MCPH1: variants seen among roughly 807,000 people sequenced by gnomAD.
MCPH1 encodes the protein microcephalin.
Under a neutral mutation model 84.5 loss-of-function variants are expected in MCPH1, and 104 were observed. The ratio of observed to expected loss-of-function variants is 1.23; its 90% CI spans 1.05 to 1.45. The LOEUF is 1.45. MCPH1 is among the 40% of genes most tolerant of loss of function. MCPH1 has a pLI of 0.00. For missense variants in MCPH1, 1,498 were observed against 1,005.7 expected (o/e 1.49, Z -6.62); for synonymous variants, 514 against 366.8 (o/e 1.40, Z -4.58).
intron 9 of MCPH1, among the ~76,000 whole-genome samples, chr8:6,470,591 T>G (rs1341573555): frequency 6.6e-6 from 1 of 152,214 alleles, no homozygotes; most frequent in Non-Finnish European, 1.5e-5. Context: ...GGCTCTGAGA[T>G]CCTCGTACTT....
At chr8:6,542,202 G>A (rs1398545529) in intron 12 of MCPH1, among the ~76,000 whole-genome samples, 1 of 152,040 alleles carries the variant, frequency 6.6e-6, no homozygotes, top group African/African-American at 2.4e-5. Context: ...GTAACAAAAT[G>A]TCTCAGTGTT....
intron 13 of MCPH1, among the ~76,000 whole-genome samples, chr8:6,638,936 A>G (rs1797747090): frequency 6.6e-6 from 1 of 152,206 alleles, no homozygotes; most frequent in Admixed American, 6.5e-5. Flanking sequence ...CCGCACACTC[A>G]GTCACAGCCC....
chr8:6,523,334 A>T (rs1817721567), intron 12 of MCPH1, among the ~76,000 whole-genome samples: 1 of 152,212 alleles, frequency 6.6e-6, no homozygotes, highest in Non-Finnish European at 1.5e-5. Flanking sequence ...AGCTGGTAAA[A>T]TTATGCCATG....
Position 6,624,898 on chromosome 8 carries a change from G to A in MCPH1, c.2452+3207G>A, listed in dbSNP as rs116436583. The A allele has an allele frequency of 6.6e-4, 628 of 950,136 alleles. 8 individuals are homozygous for A. The African/African-American group carries it at 0.011, about 16-fold the overall frequency. 58.9% of individuals were successfully genotyped at this position (950,136 alleles called of 1,614,324 possible). On this transcript the variant is annotated intron_variant, in intron 13 of 13. Coordinates refer to ENST00000344683, the MANE Select transcript of MCPH1 (RefSeq NM_024596.5). ...ACTTTTTTTTTTTTTTTTCTGAGAT[G>A]GAGTCTCGCTGTGTCACCAGGCTGG... is the stretch of plus-strand genomic sequence containing the variant.
intron 3 of MCPH1, among the ~76,000 whole-genome samples, chr8:6,430,802 T>G (rs1801730684): frequency 6.6e-6 from 1 of 152,126 alleles, no homozygotes; most frequent in African/African-American, 2.4e-5. Context: ...AATTTAAGAT[T>G]AATATTTCAG....
chr8:6,494,157 T>G (rs1299219564), intron 11 of MCPH1: 2 of 152,082 alleles, frequency 1.3e-5, no homozygotes, highest in Non-Finnish European at 1.5e-5. Context: ...CAGGCTGGTC[T>G]CAAACTCCTG....
intron 12 of MCPH1, among the ~76,000 whole-genome samples, chr8:6,528,335 A>G (rs1818773625): frequency 6.6e-6 from 1 of 152,248 alleles, no homozygotes; most frequent in Admixed American, 6.5e-5. Context: ...GTCATATTTC[A>G]TAGGTGGAAA....
At chr8:6,514,671 C>T in intron 12 of MCPH1, 1 of 1,612,704 alleles carries the variant, frequency 6.2e-7, no homozygotes, top group Non-Finnish European at 8.5e-7. Context: ...TAAAGAATGT[C>T]CTTACCACTT....
chr8:6,523,789 A>T (rs1039412909), intron 12 of MCPH1, among the ~76,000 whole-genome samples: 1 of 151,462 alleles, frequency 6.6e-6, no homozygotes. Flanking sequence ...TGGTTTCATT[A>T]TGTTGTCCAG....
At chr8:6,596,140 C>A (rs1431128827) in intron 12 of MCPH1, among the ~76,000 whole-genome samples, 1 of 152,144 alleles carries the variant, frequency 6.6e-6, no homozygotes, top group African/African-American at 2.4e-5. Flanking sequence ...ACACCGTAAG[C>A]CACGTGTGAC....
intron 12 of MCPH1, among the ~76,000 whole-genome samples, chr8:6,591,135 G>C (rs1438906677): frequency 6.6e-6 from 1 of 152,250 alleles, no homozygotes; most frequent in African/African-American, 2.4e-5. Flanking sequence ...GACCTCAGGT[G>C]ATCAGCCCGC....
At position 6,530,454 on chromosome 8, in the gene MCPH1, A is replaced by C. The variant is rs918034114; in HGVS notation, c.2214+30525A>C. Among the ~76,000 whole-genome samples, 4 of 150,774 alleles carry C rather than the reference A, an allele frequency of 2.7e-5. No individual in the cohort carries two copies. In the South Asian group the frequency reaches 8.4e-4, roughly 32 times the overall value. ...AACCCGGGAGGTGGAGGTTGCAGCA[A>C]GTCGAGATCACACCACTGCACTCCA... On this transcript the variant is annotated intron_variant, in intron 12 of 13. Coordinates refer to ENST00000344683, the MANE Select transcript of MCPH1 (RefSeq NM_024596.5).
chr8:6,437,100 A>G (rs1802765564), intron 5 of MCPH1, among the ~76,000 whole-genome samples: 2 of 152,196 alleles, frequency 1.3e-5, no homozygotes, highest in Admixed American at 1.3e-4. Flanking sequence ...CAGATAAGCA[A>G]TTATGGTCAC....
intron 12 of MCPH1, among the ~76,000 whole-genome samples, chr8:6,611,291 C>T (rs183174307): frequency 5.3e-5 from 8 of 152,314 alleles, no homozygotes; most frequent in African/African-American, 1.7e-4. Flanking sequence ...GACTCAGCCC[C>T]GCAAGCCTGC....
At chr8:6,410,852 G>A (rs963548055) in intron 2 of MCPH1, among the ~76,000 whole-genome samples, 6 of 152,170 alleles carry the variant, frequency 3.9e-5, no homozygotes, top group Non-Finnish European at 7.3e-5. Flanking sequence ...ATTATTAGGA[G>A]GCCAAGGCAG....
At chr8:6,590,946 G>C (rs1306463736) in intron 12 of MCPH1, among the ~76,000 whole-genome samples, 1 of 152,218 alleles carries the variant, frequency 6.6e-6, no homozygotes, top group Non-Finnish European at 1.5e-5. Context: ...TTGTTGCCCA[G>C]GCTGGAGTCC....
chr8:6,418,610 G>A (rs568950660), intron 3 of MCPH1, among the ~76,000 whole-genome samples: 7 of 152,024 alleles, frequency 4.6e-5, no homozygotes, highest in Admixed American at 3.9e-4. Flanking sequence ...TTGAGACGGA[G>A]TCTCGCTCTG....
intron 4 of MCPH1, among the ~76,000 whole-genome samples, chr8:6,432,133 C>G (rs1801929661): frequency 6.6e-6 from 1 of 152,168 alleles, no homozygotes. Context: ...CTCCCGTATA[C>G]CTAAGAAAGA....
intron 12 of MCPH1, among the ~76,000 whole-genome samples, chr8:6,598,224 C>T (rs1202065778): frequency 4.6e-5 from 7 of 152,184 alleles, no homozygotes; most frequent in Non-Finnish European, 7.3e-5. Context: ...TACGTGGGTT[C>T]CCACACCAGC....
Sources: gnomAD v4.1 joint callset for allele counts (sites outside exome capture counted in the v4.1 genomes callset) on GRCh38, gnomAD v4.1.1 for gene constraint, MANE v1.5 for transcripts, NCBI Gene and HGNC (gene_info 2026-07-23, HGNC 2026-07-21) for gene names.